The following TBX5 variants were observed in gnomAD, a reference collection of about 807,000 sequenced individuals.
TBX5 encodes T-box transcription factor TBX5.
In TBX5, 8 loss-of-function variants were observed where a neutral mutation model predicts 51.1. That is an observed-to-expected ratio of 0.16 (90% CI 0.09 to 0.28). The LOEUF is 0.28. Ranked by LOEUF, TBX5 falls within the 10% of genes least tolerant of loss-of-function variation. TBX5 has a pLI of 1.00. For synonymous variants in TBX5, 302 were observed against 266.4 expected (o/e 1.13, Z -1.30); for missense variants, 589 against 671.7 (o/e 0.88, Z 1.36).
intron 6 of TBX5, among the ~76,000 whole-genome samples, chr12:114,394,083 G>A (rs922219334): frequency 4.6e-5 from 7 of 152,182 alleles, no homozygotes; most frequent in Non-Finnish European, 5.9e-5. Context: ...AATGTGGGAG[G>A]ATCACTTGAG....
chr12:114,382,849 G>T (rs1870583305), intron 7 of TBX5, among the ~76,000 whole-genome samples: 1 of 151,800 alleles, frequency 6.6e-6, no homozygotes, highest in African/African-American at 2.4e-5. Flanking sequence ...GGGTATGGCA[G>T]TGCATGCCTG....
intron 5 of TBX5, among the ~76,000 whole-genome samples, chr12:114,395,098 G>A (rs988869794): frequency 8.5e-5 from 13 of 152,196 alleles, no homozygotes; most frequent in African/African-American, 2.9e-4. Context: ...AAAAGCCAGG[G>A]TAATATTCCA....
intron 7 of TBX5, among the ~76,000 whole-genome samples, chr12:114,383,957 C>T (rs1870653900): frequency 6.6e-6 from 1 of 152,118 alleles, no homozygotes; most frequent in Non-Finnish European, 1.5e-5. Flanking sequence ...CGGCAAATCA[C>T]CATCAGAATG....
At chr12:114,398,802 CA>C (rs1055153024) in intron 4 of TBX5, 82 bp from the exon 5 acceptor site, 2 of 1,521,224 alleles carry the variant, frequency 1.3e-6, no homozygotes, top group Non-Finnish European at 8.9e-7. Context: ...TCAGTTCACG[CA>C]CCAGGTGAGG....
intron 5 of TBX5, among the ~76,000 whole-genome samples, chr12:114,397,797 C>A (rs78470205): frequency 6.6e-6 from 1 of 152,138 alleles, no homozygotes; most frequent in East Asian, 1.9e-4. Flanking sequence ...CAGATCTCCC[C>A]GGGAGTATCA....
At chr12:114,404,923 G>A (rs1431512690) in intron 1 of TBX5, among the ~76,000 whole-genome samples, 9 of 152,242 alleles carry the variant, frequency 5.9e-5, no homozygotes, top group South Asian at 2.1e-4. Context: ...AGAACGGCCC[G>A]GGTTTGCAGG....
intron 7 of TBX5, 118 bp from the exon 8 acceptor site, chr12:114,366,509 G>C (rs1033688004): frequency 2.2e-6 from 2 of 912,088 alleles, no homozygotes; most frequent in African/African-American, 3.3e-5. Context: ...AAAAAAAAGA[G>C]GTCTTTGATG....
chr12:114,398,948 C>T (rs934857933), intron 4 of TBX5, among the ~76,000 whole-genome samples: 3 of 152,172 alleles, frequency 2.0e-5, no homozygotes, highest in African/African-American at 7.2e-5. Flanking sequence ...CTTACAGCCT[C>T]TCGCATCCCA....
intron 8 of TBX5, among the ~76,000 whole-genome samples, chr12:114,359,254 G>A (rs560833651): frequency 6.6e-6 from 1 of 152,194 alleles, no homozygotes; most frequent in African/African-American, 2.4e-5. Flanking sequence ...TTCCTCTCAG[G>A]CCTCATCACA....
At chr12:114,388,040 G>T (rs1300942196) in intron 6 of TBX5, among the ~76,000 whole-genome samples, 1 of 152,308 alleles carries the variant, frequency 6.6e-6, no homozygotes, top group Admixed American at 6.5e-5. Flanking sequence ...GTTCAGATGA[G>T]GTTTTGCCAT....
At chr12:114,398,273 A>C (rs1871545825) in intron 5 of TBX5, among the ~76,000 whole-genome samples, 1 of 152,158 alleles carries the variant, frequency 6.6e-6, no homozygotes, top group Non-Finnish European at 1.5e-5. Flanking sequence ...ATGTCTGTGT[A>C]GGAGAGTAGT....
chr12:114,384,234 C>T (rs549612494), intron 7 of TBX5, among the ~76,000 whole-genome samples: 18 of 151,348 alleles, frequency 1.2e-4, no homozygotes, highest in African/African-American at 4.1e-4. Flanking sequence ...GTACCACACT[C>T]CTTGTTTTTT....
chr12:114,390,997 G>A (rs1345545111), intron 6 of TBX5, among the ~76,000 whole-genome samples: 2 of 152,124 alleles, frequency 1.3e-5, no homozygotes, highest in African/African-American at 4.8e-5. Flanking sequence ...TCGTCATTAG[G>A]GGCCCAGTGG....
At position 114,405,795 on chromosome 12, in the gene TBX5, C is replaced by T. The variant is rs1872179045; in HGVS notation, c.-206G>A. 1 of 985,568 alleles carries T rather than the reference C, an allele frequency of 1.0e-6. No homozygotes were observed. Among genetic ancestry groups the T allele is most frequent in the East Asian group, 1.1e-4 (1 of 8,802 alleles). The allele number at this position is 985,568 out of a possible 1,614,324, so 61.1% of individuals were successfully genotyped here. A position where few individuals can be genotyped will look rare whatever the true frequency, so the allele number is the denominator to read the frequency against. On this transcript the variant is annotated 5_prime_UTR_variant, in exon 1 of 9. Coordinates refer to ENST00000405440, the MANE Select transcript of TBX5 (RefSeq NM_181486.4). The stretch of plus-strand genomic sequence containing the variant: ...TACTAGGGCGCACCTACCGCTGGAG[C>T]CTCCGCGGCGACTGCCCACCTCCAA...
At chr12:114,361,312 C>A (rs920658497) in intron 8 of TBX5, among the ~76,000 whole-genome samples, 1 of 152,228 alleles carries the variant, frequency 6.6e-6, no homozygotes, top group Non-Finnish European at 1.5e-5. Context: ...CCCTGCAAAG[C>A]CCTTTTCCAT....
At chr12:114,399,074 G>A (rs900438524) in intron 4 of TBX5, among the ~76,000 whole-genome samples, 2 of 152,186 alleles carry the variant, frequency 1.3e-5, no homozygotes, top group African/African-American at 4.8e-5. Context: ...CCATGGGAAC[G>A]ATTCTACCCA....
At chr12:114,359,737 G>T (rs1043677109) in intron 8 of TBX5, among the ~76,000 whole-genome samples, 1 of 152,176 alleles carries the variant, frequency 6.6e-6, no homozygotes, top group Non-Finnish European at 1.5e-5. Flanking sequence ...CAGCTCCAAT[G>T]CTCGCTCGCC....
chr12:114,365,478 GA>G (rs1314409667), intron 8 of TBX5, among the ~76,000 whole-genome samples: 3 of 151,452 alleles, frequency 2.0e-5, no homozygotes, highest in Admixed American at 1.3e-4. Flanking sequence ...AAGTTTAAAA[GA>G]AAAAAAACAG....
intron 7 of TBX5, among the ~76,000 whole-genome samples, chr12:114,384,356 G>A (rs1337026623): frequency 6.6e-6 from 1 of 151,966 alleles, no homozygotes; most frequent in Non-Finnish European, 1.5e-5. Flanking sequence ...GCTCACTGCA[G>A]CCTCAAATTC....
Sources: allele counts gnomAD v4.1 joint callset (sites outside exome capture counted in the v4.1 genomes callset), GRCh38; gene constraint gnomAD v4.1.1; transcripts MANE v1.5; gene names NCBI Gene and HGNC (gene_info 2026-07-23, HGNC 2026-07-21).